Variants in ITCH observed in about 807,000 individuals in gnomAD.
ITCH encodes the protein itchy E3 ubiquitin protein ligase, also known as E3 ubiquitin-protein ligase Itchy homolog.
ITCH carries 28 observed loss-of-function variants against 126.8 expected under a neutral mutation model. The ratio of observed to expected loss-of-function variants is 0.22; its 90% confidence interval spans 0.16 to 0.30. The LOEUF (loss-of-function observed/expected upper bound fraction) is 0.30, where lower values mean the gene tolerates loss of function less well. ITCH is among the 10% of genes least tolerant of loss of function. ITCH has a pLI of 1.00. For missense variants in ITCH, 631 were observed against 1,032.4 expected (o/e 0.61, Z 5.33); for synonymous variants, 342 against 340.0 (o/e 1.01, Z -0.06).
At chr20:34,419,374 T>G (rs1980426289) in intron 6 of ITCH, among the ~76,000 whole-genome samples, 1 of 152,246 alleles carries the variant, frequency 6.6e-6, no homozygotes, top group African/African-American at 2.4e-5. Context: ...TAATCACTAT[T>G]CTGAACTTTG....
intron 19 of ITCH, 130 bp downstream of exon 19, chr20:34,480,862 C>A: frequency 2.0e-6 from 2 of 980,280 alleles, no homozygotes; most frequent in Non-Finnish European, 3.0e-6. Flanking sequence ...TCAAACCTGT[C>A]TTTTTATTCA....
At chr20:34,458,950 C>T (rs1413545013) in intron 13 of ITCH, among the ~76,000 whole-genome samples, 1 of 152,186 alleles carries the variant, frequency 6.6e-6, no homozygotes, top group Non-Finnish European at 1.5e-5. Flanking sequence ...GTCTGTAATA[C>T]TATGCATTTA....
At chr20:34,440,730 G>T (rs1983641971) in intron 9 of ITCH, among the ~76,000 whole-genome samples, 1 of 152,104 alleles carries the variant, frequency 6.6e-6, no homozygotes, top group African/African-American at 2.4e-5. Flanking sequence ...TGGGATTACA[G>T]GCATGAGCAC....
At chr20:34,469,598 T>A (rs138947087) in intron 14 of ITCH, among the ~76,000 whole-genome samples, 1 of 152,260 alleles carries the variant, frequency 6.6e-6, no homozygotes, top group Admixed American at 6.5e-5. Flanking sequence ...GCCAAAAAGA[T>A]CCTTCTTGAA....
At chr20:34,507,014 T>C (rs1180159627) in intron 24 of ITCH, among the ~76,000 whole-genome samples, 2 of 152,196 alleles carry the variant, frequency 1.3e-5, no homozygotes, top group Non-Finnish European at 2.9e-5. Flanking sequence ...CTGTTTATGC[T>C]GCTATAAACA....
At chr20:34,432,335 A>G (rs6059835) in intron 7 of ITCH, among the ~76,000 whole-genome samples, 67,910 of 151,880 alleles carry the variant, frequency 0.45, 15,749 homozygotes, top group Non-Finnish European at 0.5. Flanking sequence ...TTAAAAATGT[A>G]TTATCAAAAG....
chr20:34,408,121 T>TTGTGTGCCCTGGTGTTTCCTCCTGGTG (rs1323755046), intron 3 of ITCH, among the ~76,000 whole-genome samples: 1 of 152,170 alleles, frequency 6.6e-6, no homozygotes, highest in Non-Finnish European at 1.5e-5. Flanking sequence ...TTTCCTCCTG[T>TTGTGTGCCCTGGTGTTTCCTCCTGGTG]TGCCCAAGCT....
chr20:34,422,831 G>T (rs563242908), intron 6 of ITCH, among the ~76,000 whole-genome samples: 372 of 150,772 alleles, frequency 2.5e-3, no homozygotes, highest in Non-Finnish European at 4.5e-3. Flanking sequence ...GTTTCACTCT[G>T]TCGCCCAGGG....
At chr20:34,416,911 C>CT (rs60272162) in intron 6 of ITCH, among the ~76,000 whole-genome samples, 72,507 of 132,294 alleles carry the variant, frequency 0.55, 20,524 homozygotes, top group African/African-American at 0.65. Context: ...CTCTTCCTAG[C>CT]TTTTTTTTTT....
chr20:34,449,554 CAG>C (rs1171433458), intron 12 of ITCH, 74 bp downstream of exon 12: 32 of 1,032,008 alleles, frequency 3.1e-5, no homozygotes, highest in East Asian at 2.9e-4. Flanking sequence ...CATTTTAAAA[CAG>C]ATATTTATGT....
chr20:34,457,153 G>A (rs1485109648), intron 12 of ITCH, among the ~76,000 whole-genome samples: 1 of 152,070 alleles, frequency 6.6e-6, no homozygotes. Flanking sequence ...AGGTCCTATG[G>A]TTAGGACATT....
At chr20:34,466,475 C>T (rs915232495) in intron 14 of ITCH, 2 of 478,922 alleles carry the variant, frequency 4.2e-6, no homozygotes, top group Non-Finnish European at 8.1e-6. Flanking sequence ...AAAGCAGAAA[C>T]TGGAAAATCA....
At chr20:34,502,456 A>G (rs1235453577) in intron 23 of ITCH, among the ~76,000 whole-genome samples, 1 of 152,186 alleles carries the variant, frequency 6.6e-6, no homozygotes, top group African/African-American at 2.4e-5. Flanking sequence ...CACACCTGTA[A>G]TCCCAGCACT....
chr20:34,440,488 GCT>G (rs1199905032), intron 9 of ITCH, 144 bp downstream of exon 9: 4 of 701,702 alleles, frequency 5.7e-6, no homozygotes, highest in Non-Finnish European at 9.7e-6. Context: ...GAGATGGAGT[GCT>G]CTGTCTCCCA....
intron 3 of ITCH, among the ~76,000 whole-genome samples, chr20:34,405,274 G>GC (rs1160820080): frequency 6.6e-6 from 1 of 152,136 alleles, no homozygotes; most frequent in East Asian, 1.9e-4. Flanking sequence ...AGGGGCCGAG[G>GC]CAAGTGGATC....
rs185895879 is a variant in ITCH at position 34,511,729 on chromosome 20, A to G, written c.*3935A>G. ...AGAGCTTATTTACATTATAAGCTATATGTCTACATGTGAGTGTACATTCAT... is the reference window on the plus strand; with the variant it reads ...AGAGCTTATTTACATTATAAGCTATGTGTCTACATGTGAGTGTACATTCAT... On this transcript the variant is annotated 3_prime_UTR_variant, in exon 25 of 25. Coordinates refer to ENST00000374864, the MANE Select transcript of ITCH (RefSeq NM_031483.7). 6.6e-6 allele frequency among the ~76,000 whole-genome samples: 1 copy of G among 152,378 alleles called. No individual in the cohort carries two copies. The highest frequency in any genetic ancestry group is 1.9e-4 in the East Asian group (1 of 5,190).
intron 6 of ITCH, among the ~76,000 whole-genome samples, chr20:34,423,220 T>G (rs574825993): frequency 1.3e-5 from 2 of 152,248 alleles, no homozygotes; most frequent in African/African-American, 4.8e-5. Flanking sequence ...ATCCATGATA[T>G]AGCGTGTTTC....
At chr20:34,411,274 C>T (rs1380095765) in intron 4 of ITCH, among the ~76,000 whole-genome samples, 1 of 152,116 alleles carries the variant, frequency 6.6e-6, no homozygotes, top group African/African-American at 2.4e-5. Flanking sequence ...GCCTCAGCCT[C>T]CTGAGTAGCT....
At chr20:34,426,439 TTTTTG>T (rs1981530545) in intron 7 of ITCH, among the ~76,000 whole-genome samples, 1 of 152,056 alleles carries the variant, frequency 6.6e-6, no homozygotes. Flanking sequence ...GGTTGTTTTT[TTTTTG>T]TTTTGTTTTT....
Sources: allele counts gnomAD v4.1 joint callset (sites outside exome capture counted in the v4.1 genomes callset), GRCh38; gene constraint gnomAD v4.1.1; transcripts MANE v1.5; gene names NCBI Gene and HGNC (gene_info 2026-07-23, HGNC 2026-07-21).